Variants in PRDM16 observed in about 807,000 individuals in gnomAD.
PRDM16 encodes the protein PR/SET domain 16.
In PRDM16, 23 loss-of-function variants were observed where a neutral mutation model predicts 110.6. That is an observed-to-expected ratio of 0.21 (90% CI 0.15 to 0.29). The LOEUF (loss-of-function observed/expected upper bound fraction) is 0.29. Ranked by LOEUF, PRDM16 falls within the 10% of genes least tolerant of loss-of-function variation. PRDM16 has a pLI of 1.00. For synonymous variants in PRDM16, 799 were observed against 781.8 expected, an observed-to-expected ratio of 1.02 and a Z score of -0.37; for missense variants, 1,615 against 1,794.3, an observed-to-expected ratio of 0.90 and a Z score of 1.81.
chr1:3,075,670 T>C (rs1234261739), intron 1 of PRDM16, among the ~76,000 whole-genome samples: 1 of 152,292 alleles, frequency 6.6e-6, no homozygotes, highest in Non-Finnish European at 1.5e-5. Context: ...TCATCTCCTC[T>C]GAATAAGGCT....
Position 3,390,698 on chromosome 1 carries a change from G to C in PRDM16, c.573+5412G>C, listed in dbSNP as rs989731543. ...GCTTTGCTGTCCTGGGCTCTGACCC[G>C]GGTCCCGCGTTTCTGTCTGGGCGTG... On this transcript the variant is annotated intron_variant, in intron 4 of 16. Coordinates refer to ENST00000270722, the MANE Select transcript of PRDM16 (RefSeq NM_022114.4). The surrounding 1 kb of genome is among the most constrained non-coding windows in gnomAD (Gnocchi z 5.0). Among the ~76,000 whole-genome samples the C allele has an allele frequency of 1.3e-5, 2 of 152,172 alleles. No homozygotes were observed. The highest frequency in any genetic ancestry group is 2.9e-5 in the Non-Finnish European group (2 of 68,036).
At chr1:3,147,551 G>GA (rs1249973327) in intron 1 of PRDM16, among the ~76,000 whole-genome samples, 1 of 152,136 alleles carries the variant, frequency 6.6e-6, no homozygotes, top group African/African-American at 2.4e-5. Flanking sequence ...CCAGTGTCTG[G>GA]AAACTATCAT....
rs554430996 is a variant in PRDM16 at position 3,213,853 on chromosome 1, C to T, written c.387+27379C>T. On this transcript the variant is annotated intron_variant, in intron 2 of 16. Coordinates refer to ENST00000270722, the MANE Select transcript of PRDM16 (RefSeq NM_022114.4). This position sits in a 1 kb window ranked among gnomAD's most constrained non-coding sequence, Gnocchi z 5.3. Reference sequence around the variant, plus strand: ...GTGCCTTCCCAGGAGGCCTTGCCACCCCCCATTAATCCTGCAATTCCAGAT... The same window carrying T: ...GTGCCTTCCCAGGAGGCCTTGCCACTCCCCATTAATCCTGCAATTCCAGAT... Among the ~76,000 whole-genome samples the T allele has an allele frequency of 1.3e-5, 2 of 152,218 alleles. No individual in the cohort carries two copies. The highest frequency in any genetic ancestry group is 6.5e-5 in the Admixed American group (1 of 15,296).
At chr1:3,123,184 G>T (rs908575504) in intron 1 of PRDM16, among the ~76,000 whole-genome samples, 3 of 152,232 alleles carry the variant, frequency 2.0e-5, no homozygotes, top group Non-Finnish European at 4.4e-5. Flanking sequence ...CTGCCATCAT[G>T]GCAAAGCCAA....
rs1269913245 is a variant in PRDM16, at chr1:3,269,809, A to ATGG, written c.438+25672_438+25673insTGG. On this transcript the variant is annotated intron_variant, in intron 3 of 16. Coordinates refer to ENST00000270722, the MANE Select transcript of PRDM16 (RefSeq NM_022114.4). ...GAAAGTCTCAGAGGAGGACAGTCCC[A>ATGG]GAGAATGACAGGGAGGAGGACAGTC... Among the ~76,000 whole-genome samples the ATGG allele has an allele frequency of 3.3e-3, 291 of 88,562 alleles. 30 individuals are homozygous for ATGG. Among genetic ancestry groups the ATGG allele is most frequent in the Middle Eastern group, 0.014 (2 of 142 alleles). 58.1% of individuals were successfully genotyped at this position (88,562 alleles called of 152,430 possible). A position where few individuals can be genotyped will look rare whatever the true frequency, so the allele number is the denominator to read the frequency against.
rs1640254543 is a variant in PRDM16, at chr1:3,265,018, C to T, written c.438+20881C>T. Among the ~76,000 whole-genome samples the T allele has an allele frequency of 1.3e-5, 2 of 151,734 alleles. No individual in the cohort carries two copies. The highest frequency in any genetic ancestry group is 1.3e-4 in the Admixed American group (2 of 15,254). On this transcript the variant is annotated intron_variant, in intron 3 of 16. Coordinates refer to ENST00000270722, the MANE Select transcript of PRDM16 (RefSeq NM_022114.4). This position sits in a 1 kb window ranked among gnomAD's most constrained non-coding sequence, Gnocchi z 4.5. ...GCAGACAGATGCAGATTTCTGAGCA[C>T]AGAGAAACCTGAGCTGAGCCACTGA...
intron 1 of PRDM16, among the ~76,000 whole-genome samples, chr1:3,141,403 G>A (rs913171174): frequency 7.2e-5 from 11 of 152,220 alleles, no homozygotes; most frequent in African/African-American, 2.7e-4. Context: ...CTTGAGCGCT[G>A]TCTGCAGCCT....
chr1:3,389,579 C>G (rs1643262519), intron 4 of PRDM16, among the ~76,000 whole-genome samples: 1 of 152,210 alleles, frequency 6.6e-6, no homozygotes, highest in Non-Finnish European at 1.5e-5. Flanking sequence ...AGCCAGAGGC[C>G]ACATTGGGCC....
In PRDM16 at chr1:3,182,488, AT is replaced by A. The variant is rs1644223087; in HGVS notation, c.38-3636del. On this transcript the variant is annotated intron_variant, in intron 1 of 16. Coordinates refer to ENST00000270722, the MANE Select transcript of PRDM16 (RefSeq NM_022114.4). ...CTGGCCATAGCTTTGCTTTCTAGAT[AT>A]GGGTCTCTTGGGAGATGGTGGGGGT... 3.3e-5 allele frequency among the ~76,000 whole-genome samples: 5 copies of A among 152,156 alleles called. 1 individual carries two copies. The South Asian group carries it at 1.0e-3, about 32-fold the overall frequency.
At chr1:3,429,203 G>A (rs531119438) in intron 14 of PRDM16, among the ~76,000 whole-genome samples, 8 of 152,374 alleles carry the variant, frequency 5.3e-5, no homozygotes, top group Non-Finnish European at 1.0e-4. Flanking sequence ...CTGTGAAAGC[G>A]TCCACGGCTG....
At chr1:3,388,749 C>A (rs12043148) in intron 4 of PRDM16, among the ~76,000 whole-genome samples, 45,163 of 152,040 alleles carry the variant, frequency 0.3, 7,201 homozygotes, top group East Asian at 0.6. Context: ...CCAGGGTGCT[C>A]CTATGTCCTT....
intron 1 of PRDM16, among the ~76,000 whole-genome samples, chr1:3,123,099 G>A (rs771631170): frequency 5.9e-5 from 9 of 152,220 alleles, no homozygotes; most frequent in East Asian, 3.9e-4. Context: ...GGCTGGATGC[G>A]TGGTTGCTGT....
intron 1 of PRDM16, among the ~76,000 whole-genome samples, chr1:3,161,412 C>T (rs948531268): frequency 6.6e-6 from 1 of 152,206 alleles, no homozygotes; most frequent in Non-Finnish European, 1.5e-5. Context: ...TTTCCTCTCT[C>T]CTTTCTCCTC....
rs1166949248 is a variant in PRDM16, at chr1:3,180,883, TACACACGGCCTCAC to T, written c.38-5237_38-5224del. Among the ~76,000 whole-genome samples the T allele has an allele frequency of 8.7e-4, 131 of 150,658 alleles. 1 individual carries two copies. The highest frequency in any genetic ancestry group is 2.1e-3 in the African/African-American group (86 of 40,684). On this transcript the variant is annotated intron_variant, in intron 1 of 16. Coordinates refer to ENST00000270722, the MANE Select transcript of PRDM16 (RefSeq NM_022114.4). ...ACGCACGGCCTTACACACGCAGTCT[TACACACGGCCTCAC>T]ACACGCAGTCTTACACGCAGCCTTA... is the stretch of plus-strand genomic sequence containing the variant.
rs1349103703 is a variant in PRDM16 at position 3,246,251 on chromosome 1, G to A, written c.438+2114G>A. On this transcript the variant is annotated intron_variant, in intron 3 of 16. Coordinates refer to ENST00000270722, the MANE Select transcript of PRDM16 (RefSeq NM_022114.4). This position sits in a 1 kb window ranked among gnomAD's most constrained non-coding sequence, Gnocchi z 5.2. ...AAGGTCATTCTTGAGAGCGGCTCCC[G>A]GGGTGGGCATGAGATGCTGTCCAGC... 2.6e-5 allele frequency among the ~76,000 whole-genome samples: 4 copies of A among 152,178 alleles called. No individual in the cohort carries two copies. The highest frequency in any genetic ancestry group is 4.4e-5 in the Non-Finnish European group (3 of 68,036).
intron 3 of PRDM16, among the ~76,000 whole-genome samples, chr1:3,341,274 T>C (rs1642266450): frequency 6.6e-6 from 1 of 152,172 alleles, no homozygotes; most frequent in Non-Finnish European, 1.5e-5. Context: ...TCCATCCCCG[T>C]TGGCAAGGGT....
At chr1:3,355,876 C>T (rs1446407480) in intron 3 of PRDM16, among the ~76,000 whole-genome samples, 1 of 152,144 alleles carries the variant, frequency 6.6e-6, no homozygotes, top group Non-Finnish European at 1.5e-5. Flanking sequence ...TCAGGGTGCC[C>T]TGCAGATCTC....
intron 3 of PRDM16, among the ~76,000 whole-genome samples, chr1:3,378,547 G>A (rs754150171): frequency 1.8e-4 from 28 of 152,144 alleles, no homozygotes; most frequent in Non-Finnish European, 3.7e-4. Context: ...TGTCTCCAGG[G>A]GCCTCCATCT....
intron 3 of PRDM16, among the ~76,000 whole-genome samples, chr1:3,346,268 A>G (rs534637504): frequency 6.6e-6 from 1 of 152,218 alleles, no homozygotes; most frequent in East Asian, 1.9e-4. Flanking sequence ...ACCCTTCCCC[A>G]GGACGTCTTG....
Sources: gnomAD v4.1 joint callset for allele counts (sites outside exome capture counted in the v4.1 genomes callset) on GRCh38, gnomAD v4.1.1 for gene constraint, Gnocchi (gnomAD v3.1) non-coding constraint, MANE v1.5 for transcripts, NCBI Gene and HGNC (gene_info 2026-07-23, HGNC 2026-07-21) for gene names.